The following PTDSS2 variants were observed in gnomAD, a reference collection of about 807,000 sequenced individuals.
The protein encoded by PTDSS2 is PSS-2.
A neutral mutation model predicts 64.7 loss-of-function variants in PTDSS2; 41 were observed. The ratio of observed to expected loss-of-function variants is 0.63; its 90% CI spans 0.49 to 0.82. PTDSS2 has a LOEUF of 0.82. PTDSS2 is among the 40% of genes least tolerant of loss of function. The pLI is 0.00. For missense variants in PTDSS2, 485 were observed against 650.0 expected (o/e 0.75, Z 2.76); for synonymous variants, 297 against 277.8 (o/e 1.07, Z -0.69).
rs1478212174 is a variant in PTDSS2, at chr11:476,334, G to A, written c.367+2357G>A. On this transcript the variant is annotated intron_variant, in intron 3 of 11. Transcript: ENST00000308020. The surrounding 1 kb of genome is among the most constrained non-coding windows in gnomAD (Gnocchi z 4.9). ...ACAGTGAAAAGCCTGGCGCCGTGAC[G>A]GTGAGAAACTGCCCGTCACACAGTG... Among the ~76,000 whole-genome samples the A allele has an allele frequency of 3.9e-5, 6 of 152,202 alleles. No individual in the cohort carries two copies. Among genetic ancestry groups the A allele is most frequent in the Non-Finnish European group, 8.8e-5 (6 of 68,038 alleles).
At chr11:473,388 A>T (rs1487123381) in intron 2 of PTDSS2, among the ~76,000 whole-genome samples, 1 of 152,210 alleles carries the variant, frequency 6.6e-6, no homozygotes, top group African/African-American at 2.4e-5. Context: ...GGGAGGCAGT[A>T]GCTCCTGACG....
chr11:450,349 G>GC lies in PTDSS2; in HGVS notation c.-107_-106insC. On this transcript the variant is annotated 5_prime_UTR_variant, in exon 1 of 12. It removes the in-frame stop codon of an upstream open reading frame in the 5' UTR. Coordinates refer to ENST00000308020, the MANE Select transcript of PTDSS2 (RefSeq NM_030783.3). Reference sequence around the variant, plus strand: ...CTAAGACCCCGCGGGCCAGCGCCGCGACCCCTTCCCAGCGCTCCTCGCGCT... The same window carrying GC: ...CTAAGACCCCGCGGGCCAGCGCCGCGCACCCCTTCCCAGCGCTCCTCGCGCT... The GC allele has an allele frequency of 9.7e-7, 1 of 1,036,138 alleles. No homozygotes were observed. Among genetic ancestry groups the GC allele is most frequent in the Non-Finnish European group, 1.2e-6 (1 of 815,162 alleles). 64.2% of individuals were successfully genotyped at this position (1,036,138 alleles called of 1,614,324 possible). A position where few individuals can be genotyped will look rare whatever the true frequency, so the allele number is the denominator to read the frequency against.
At chr11:451,330 G>A in intron 1 of PTDSS2, 1 of 434,068 alleles carries the variant, frequency 2.3e-6, no homozygotes, top group South Asian at 1.6e-5. Context: ...GGAGCAGCTG[G>A]AGTGTGGCAC....
At chr11:448,621 C>T (rs948806382), upstream of PTDSS2, among the ~76,000 whole-genome samples, 2 of 152,210 alleles carry the variant, frequency 1.3e-5, no homozygotes, top group Admixed American at 1.3e-4. Context: ...AGCACGCCCC[C>T]TGGAGCCAGC....
intron 3 of PTDSS2, among the ~76,000 whole-genome samples, chr11:475,094 G>GATAC (rs1847690330): frequency 6.7e-5 from 5 of 74,102 alleles, no homozygotes; most frequent in African/African-American, 1.8e-4. Context: ...GTTTGTGTGT[G>GATAC]GGACATATTC....
chr11:481,375 AT>A lies in PTDSS2; in HGVS notation c.435+2225del, dbSNP rs1848064636. On this transcript the variant is annotated intron_variant, in intron 4 of 11. Coordinates refer to ENST00000308020, the MANE Select transcript of PTDSS2 (RefSeq NM_030783.3). The stretch of plus-strand genomic sequence containing the variant: ...AATGAATGTGAGGGTCACCCTTTCC[AT>A]TCCTGTGAAAAGAACAGGTGGAATT... Among the ~76,000 whole-genome samples, 2 of 152,112 alleles carry A rather than the reference AT, an allele frequency of 1.3e-5. 1 individual carries two copies. Among genetic ancestry groups the A allele is most frequent in the Non-Finnish European group, 2.9e-5 (2 of 68,014 alleles).
chr11:485,246 G>A (rs1204260137), intron 4 of PTDSS2, among the ~76,000 whole-genome samples: 5 of 142,750 alleles, frequency 3.5e-5, no homozygotes, highest in African/African-American at 5.3e-5. Flanking sequence ...CTGCACGGGC[G>A]CGTGTGTGCT....
At chr11:473,188 C>T (rs1252642647) in intron 2 of PTDSS2, among the ~76,000 whole-genome samples, 1 of 152,238 alleles carries the variant, frequency 6.6e-6, no homozygotes, top group Non-Finnish European at 1.5e-5. Context: ...GAGGAGGGAG[C>T]ACCTTGCCCC....
rs147005342 is a variant in PTDSS2, at chr11:451,459, C to T, written c.182+822C>T. 7.3e-4 allele frequency: 317 copies of T among 434,604 alleles called. 1 individual carries two copies. The highest frequency in any genetic ancestry group is 1.3e-3 in the Admixed American group (55 of 41,136). The allele number at this position is 434,604 out of a possible 1,614,324, so 26.9% of individuals were successfully genotyped here. ...AAGCCGTCGACCTGAAAGCAGGCTT[C>T]GTGAGAGGAGGGTTTGGCTCTTCTT... On this transcript the variant is annotated intron_variant, in intron 1 of 11. Transcript: ENST00000308020.
intron 2 of PTDSS2, chr11:463,094 GA>G (rs1846967137): frequency 6.6e-6 from 1 of 151,356 alleles, no homozygotes; most frequent in Admixed American, 6.6e-5. Context: ...ATGAACCTAG[GA>G]GGTAGAGCTT....
In PTDSS2 at chr11:479,301, G is replaced by C. The variant is rs1847961942; in HGVS notation, c.435+149G>C. ...CACAAAGTAGGCCGAGCTGCGGGGG[G>C]TCTCCAGGAGCATCTGTGCGGCCCT... On this transcript the variant is annotated intron_variant, in intron 4 of 11. Coordinates refer to ENST00000308020, the MANE Select transcript of PTDSS2 (RefSeq NM_030783.3). This position sits in a 1 kb window ranked among gnomAD's most constrained non-coding sequence, Gnocchi z 4.2. 1.3e-6 allele frequency: 1 copy of C among 748,496 alleles called. No individual in the cohort carries two copies. Among genetic ancestry groups the C allele is most frequent in the Non-Finnish European group, 2.4e-6 (1 of 416,708 alleles). 46.4% of individuals were successfully genotyped at this position (748,496 alleles called of 1,614,324 possible).
intron 1 of PTDSS2, among the ~76,000 whole-genome samples, chr11:456,447 A>C (rs1846601724): frequency 6.6e-6 from 1 of 151,332 alleles, no homozygotes; most frequent in East Asian, 1.9e-4. Flanking sequence ...AAAGCTCTGG[A>C]ATTACAGGTG....
rs1419945016 is a variant in PTDSS2, at chr11:461,461, G to T, written c.284+1173G>T. On this transcript the variant is annotated intron_variant, in intron 2 of 11. Coordinates refer to ENST00000308020, the MANE Select transcript of PTDSS2 (RefSeq NM_030783.3). This position sits in a 1 kb window ranked among gnomAD's most constrained non-coding sequence, Gnocchi z 4.2. ...TCTGGTTAGAAATTACTGTTGAGGT[G>T]CCTGGACCCAGGACTCTGCAGCCTG... Among the ~76,000 whole-genome samples, 1 of 152,110 alleles carries T rather than the reference G, an allele frequency of 6.6e-6. No homozygotes were observed. Among genetic ancestry groups the T allele is most frequent in the South Asian group, 2.1e-4 (1 of 4,828 alleles).
Position 479,276 on chromosome 11 carries a change from C to T in PTDSS2, c.435+124C>T, listed in dbSNP as rs547118788. Reference sequence around the variant, plus strand: ...ATGGGAGGAAGCAGGGCTAGACCCCCACAAAGTAGGCCGAGCTGCGGGGGG... The same window carrying T: ...ATGGGAGGAAGCAGGGCTAGACCCCTACAAAGTAGGCCGAGCTGCGGGGGG... On this transcript the variant is annotated intron_variant, in intron 4 of 11. Transcript: ENST00000308020. This position sits in a 1 kb window ranked among gnomAD's most constrained non-coding sequence, Gnocchi z 4.2. 4.8e-5 allele frequency: 42 copies of T among 875,548 alleles called. No homozygotes were observed. In the South Asian group the frequency reaches 5.6e-4, roughly 12 times the overall value. The allele number at this position is 875,548 out of a possible 1,614,324, so 54.2% of individuals were successfully genotyped here.
At chr11:456,003 C>G (rs562375424) in intron 1 of PTDSS2, among the ~76,000 whole-genome samples, 1 of 152,122 alleles carries the variant, frequency 6.6e-6, no homozygotes, top group Non-Finnish European at 1.5e-5. Context: ...TGTCACTTAC[C>G]GGCCCTGACT....
chr11:490,311 C>T, intron 11 of PTDSS2, 109 bp from the exon 12 acceptor site: 1 of 1,486,428 alleles, frequency 6.7e-7, no homozygotes, highest in Non-Finnish European at 9.3e-7. Flanking sequence ...GTACCCGGCA[C>T]CCACCCAGTC....
At chr11:455,314 G>A (rs1392487554) in intron 1 of PTDSS2, among the ~76,000 whole-genome samples, 3 of 152,166 alleles carry the variant, frequency 2.0e-5, no homozygotes, top group Non-Finnish European at 4.4e-5. Flanking sequence ...CCTCACGTGG[G>A]GTGGCCGTGT....
At chr11:455,670 G>A (rs760721439) in intron 1 of PTDSS2, among the ~76,000 whole-genome samples, 4 of 152,206 alleles carry the variant, frequency 2.6e-5, no homozygotes, top group Admixed American at 6.5e-5. Flanking sequence ...TGCTCCTCGC[G>A]CTCCCTTCTT....
Position 488,659 on chromosome 11 carries a change from G to A in PTDSS2, c.854+12G>A. On this transcript the variant is annotated intron_variant, in intron 8 of 11. Transcript: ENST00000308020. ...ATTCCGACCTACAAGTACGTCGTGGGGGCTGCGAGGGCAGGGCCGGGTGGG... is the reference window on the plus strand; with the variant it reads ...ATTCCGACCTACAAGTACGTCGTGGAGGCTGCGAGGGCAGGGCCGGGTGGG... The A allele has an allele frequency of 1.3e-6, 2 of 1,588,908 alleles. No homozygotes were observed. Among genetic ancestry groups the A allele is most frequent in the Non-Finnish European group, 1.7e-6 (2 of 1,159,824 alleles).
Sources: gnomAD v4.1 joint callset for allele counts (sites outside exome capture counted in the v4.1 genomes callset) on GRCh38, gnomAD v4.1.1 for gene constraint, Gnocchi (gnomAD v3.1) non-coding constraint, MANE v1.5 for transcripts, NCBI Gene and HGNC (gene_info 2026-07-23, HGNC 2026-07-21) for gene names.